Variants in TRPS1 observed in about 807,000 individuals in gnomAD.
TRPS1 encodes transcriptional repressor GATA binding 1.
In TRPS1, 6 loss-of-function variants were observed where a neutral mutation model predicts 101.2. The ratio of observed to expected loss-of-function variants is 0.06; its 90% CI spans 0.03 to 0.12. The LOEUF is 0.12. Among genes scored for constraint, TRPS1 ranks in the 10% least tolerant of loss-of-function variants. TRPS1 has a pLI of 1.00. For synonymous variants in TRPS1, 578 were observed against 589.8 expected, an observed-to-expected ratio of 0.98 and a Z score of 0.29; for missense variants, 1,363 against 1,567.0, an observed-to-expected ratio of 0.87 and a Z score of 2.20.
At chr8:115,574,845 C>T (rs1470047633) in intron 5 of TRPS1, among the ~76,000 whole-genome samples, 5 of 152,074 alleles carry the variant, frequency 3.3e-5, no homozygotes, top group Non-Finnish European at 2.9e-5. Flanking sequence ...CAATACCTGG[C>T]TGATTCTTTG....
intron 5 of TRPS1, among the ~76,000 whole-genome samples, chr8:115,448,731 C>T (rs1002651678): frequency 6.6e-6 from 1 of 152,130 alleles, no homozygotes; most frequent in Non-Finnish European, 1.5e-5. Flanking sequence ...TATAAGCATA[C>T]TAATTCTACT....
chr8:115,544,284 A>C (rs1194728799), intron 5 of TRPS1, among the ~76,000 whole-genome samples: 1 of 151,650 alleles, frequency 6.6e-6, no homozygotes, highest in African/African-American at 2.4e-5. Context: ...AATGGGAGTT[A>C]TAGTATCTAT....
rs116930759 is a variant in TRPS1, at chr8:115,519,478, T to C, written c.2700+67523A>G. ...AAAGATTCTCTTTCAAAATAATTTA[T>C]TTAGTGACTCAAAGTCCATTTCGAT... On this transcript the variant is annotated intron_variant, in intron 5 of 6. Transcript: ENST00000395715. 1.4e-4 allele frequency among the ~76,000 whole-genome samples: 22 copies of C among 151,786 alleles called. No homozygotes were observed. In the East Asian group the frequency reaches 4.3e-3, roughly 29 times the overall value.
intron 5 of TRPS1, among the ~76,000 whole-genome samples, chr8:115,478,782 C>T (rs917172363): frequency 1.4e-5 from 2 of 147,774 alleles, no homozygotes. Flanking sequence ...CCAGCTTGGG[C>T]GAGAGTGAGA....
At chr8:115,430,280 T>C (rs1005010573) in intron 5 of TRPS1, among the ~76,000 whole-genome samples, 26 of 152,300 alleles carry the variant, frequency 1.7e-4, no homozygotes, top group African/African-American at 5.5e-4. Context: ...TGGATTCCAA[T>C]TATTTTCATG....
At chr8:115,545,579 C>A (rs956716861) in intron 5 of TRPS1, among the ~76,000 whole-genome samples, 3 of 152,144 alleles carry the variant, frequency 2.0e-5, no homozygotes, top group African/African-American at 7.2e-5. Flanking sequence ...TTGAAACCAT[C>A]TGAAATTAAG....
intron 5 of TRPS1, among the ~76,000 whole-genome samples, chr8:115,445,540 T>C: frequency 6.6e-6 from 1 of 152,172 alleles, no homozygotes; most frequent in Admixed American, 6.5e-5. Flanking sequence ...AAAGAGTCAA[T>C]GAGGTAAAAC....
At position 115,414,397 on chromosome 8, in the gene TRPS1, A is replaced by T; in HGVS notation, c.3511T>A (p.Ser1171Thr). 1 of 1,614,016 alleles carries T rather than the reference A, an allele frequency of 6.2e-7. No homozygotes were observed. Among genetic ancestry groups the T allele is most frequent in the Non-Finnish European group, 8.5e-7 (1 of 1,179,964 alleles). Residue 1171 changes from serine (S) to threonine (T), a missense_variant, in exon 7 of 7, where the codon TCA (serine) becomes ACA (threonine). Ser to Thr is a moderately conservative substitution (Grantham distance 58, BLOSUM62 1). Around this residue, in one of 5 missense-constraint regions of TRPS1, gnomAD observed 307 missense variants for 392.4 expected, o/e 0.78. Transcript: ENST00000395715. The surrounding 1 kb of genome is among the most constrained non-coding windows in gnomAD (Gnocchi z 4.8). ...AAATCTAGAGGAATGTCATTGTCTG[A>T]TCCAACAGCTGAAAAATGAGGAGGC... Reference protein sequence around the residue: ...NLPPHFSAVGSDNDIPLDLAI... With the variant: ...NLPPHFSAVGTDNDIPLDLAI...
chr8:115,622,998 A>T (rs1818430493), intron 2 of TRPS1, among the ~76,000 whole-genome samples: 1 of 152,138 alleles, frequency 6.6e-6, no homozygotes, highest in South Asian at 2.1e-4. Context: ...GCTCTAGTTG[A>T]TTTATTGTTA....
intron 5 of TRPS1, among the ~76,000 whole-genome samples, chr8:115,433,438 A>G (rs779380236): frequency 6.6e-6 from 1 of 152,100 alleles, no homozygotes; most frequent in Non-Finnish European, 1.5e-5. Context: ...GCAACTAAAT[A>G]ATATTTAGTT....
At chr8:115,610,437 G>A (rs755895486) in intron 3 of TRPS1, among the ~76,000 whole-genome samples, 5 of 152,134 alleles carry the variant, frequency 3.3e-5, no homozygotes, top group Non-Finnish European at 5.9e-5. Context: ...ATATACTTTT[G>A]ATGGAGAATA....
intron 5 of TRPS1, among the ~76,000 whole-genome samples, chr8:115,503,423 A>G (rs1393953748): frequency 1.3e-5 from 2 of 152,144 alleles, no homozygotes; most frequent in Admixed American, 6.5e-5. Flanking sequence ...TAAATTGGGT[A>G]AGGCTATCTT....
At chr8:115,531,904 G>A (rs1303486734) in intron 5 of TRPS1, among the ~76,000 whole-genome samples, 3 of 152,018 alleles carry the variant, frequency 2.0e-5, no homozygotes, top group Non-Finnish European at 4.4e-5. Context: ...AATGGAGAAG[G>A]TACAAGAAAG....
At chr8:115,494,310 G>C (rs995811924) in intron 5 of TRPS1, among the ~76,000 whole-genome samples, 3 of 152,126 alleles carry the variant, frequency 2.0e-5, no homozygotes, top group Non-Finnish European at 2.9e-5. Flanking sequence ...TCTTTCCAAA[G>C]AAAGCACAGT....
At chr8:115,428,302 A>G (rs1437326782) in intron 5 of TRPS1, among the ~76,000 whole-genome samples, 1 of 152,226 alleles carries the variant, frequency 6.6e-6, no homozygotes, top group Non-Finnish European at 1.5e-5. Flanking sequence ...CCACTATTAT[A>G]TATAAAACTT....
intron 5 of TRPS1, among the ~76,000 whole-genome samples, chr8:115,461,679 T>C (rs1407549942): frequency 1.3e-5 from 2 of 152,204 alleles, no homozygotes; most frequent in Non-Finnish European, 2.9e-5. Context: ...TCTAAAGGCC[T>C]TTTAAGTTGA....
At position 115,619,309 on chromosome 8, in the gene TRPS1, C is replaced by A; in HGVS notation, c.789G>T (p.Leu263=). 1 of 1,614,188 alleles carries A rather than the reference C, an allele frequency of 6.2e-7. No homozygotes were observed. The highest frequency in any genetic ancestry group is 1.3e-5 in the African/African-American group (1 of 75,034). Residue 263 remains leucine, a synonymous_variant, in exon 3 of 7, where the codon CTG becomes CTT. Transcript: ENST00000395715. Reference sequence around the variant, plus strand: ...CAGCATCTTGCCTGGTGCGGTTATGCAGTCCTAAGTGATACTTTCGGAAGT... The same window carrying A: ...CAGCATCTTGCCTGGTGCGGTTATGAAGTCCTAAGTGATACTTTCGGAAGT... ...IKHFRKYHLG[L]HNRTRQDAEL...
intron 5 of TRPS1, among the ~76,000 whole-genome samples, chr8:115,497,267 A>G (rs1357079067): frequency 3.9e-5 from 6 of 152,222 alleles, no homozygotes; most frequent in Admixed American, 3.9e-4. Flanking sequence ...TTAGATTCTA[A>G]TAAGGAGCGT....
chr8:115,534,257 T>A (rs1816224933), intron 5 of TRPS1, among the ~76,000 whole-genome samples: 1 of 149,766 alleles, frequency 6.7e-6, no homozygotes, highest in Admixed American at 6.7e-5. Context: ...CCCGATACCA[T>A]CACACTGGAG....
Sources: gnomAD v4.1 joint callset for allele counts (sites outside exome capture counted in the v4.1 genomes callset) on GRCh38, gnomAD v4.1.1 for gene constraint, gnomAD v4.1.1 regional missense constraint, Gnocchi (gnomAD v3.1) non-coding constraint, MANE v1.5 for transcripts, NCBI Gene and HGNC (gene_info 2026-07-23, HGNC 2026-07-21) for gene names.